CTNNA2: variants seen among roughly 807,000 people sequenced by gnomAD.
The protein encoded by CTNNA2 is catenin alpha 2, also known as catenin alpha-2.
A neutral mutation model predicts 101.0 loss-of-function variants in CTNNA2; 42 were observed. The ratio of observed to expected loss-of-function variants is 0.42; its 90% CI spans 0.32 to 0.54. The LOEUF is 0.54. CTNNA2 is among the 20% of genes least tolerant of loss of function. CTNNA2 has a pLI of 0.14. For synonymous variants in CTNNA2, 450 were observed against 456.4 expected, an observed-to-expected ratio of 0.99 and a Z score of 0.18; for missense variants, 871 against 1,223.1, an observed-to-expected ratio of 0.71 and a Z score of 4.29.
At chr2:79,624,318 T>C (rs773080028) in intron 1 of CTNNA2, among the ~76,000 whole-genome samples, 1 of 148,806 alleles carries the variant, frequency 6.7e-6, no homozygotes, top group Non-Finnish European at 1.5e-5. Flanking sequence ...AGGAAAGATA[T>C]TTGAATTTCA....
At chr2:79,692,204 G>A (rs921329485) in intron 2 of CTNNA2, among the ~76,000 whole-genome samples, 2 of 152,092 alleles carry the variant, frequency 1.3e-5, no homozygotes, top group East Asian at 1.9e-4. Context: ...CAAAAAGTGG[G>A]TGAAGGATAT....
At chr2:80,214,151 C>T (rs1208518627) in intron 7 of CTNNA2, among the ~76,000 whole-genome samples, 1 of 152,112 alleles carries the variant, frequency 6.6e-6, no homozygotes. Context: ...ACTGATGGGT[C>T]TTGACTCTTT....
chr2:80,201,536 G>A (rs1236972052), intron 7 of CTNNA2, among the ~76,000 whole-genome samples: 5 of 151,732 alleles, frequency 3.3e-5, no homozygotes, highest in Non-Finnish European at 7.4e-5. Flanking sequence ...ACCATGCCTG[G>A]CTAAATTTGT....
intron 1 of CTNNA2, chr2:79,514,703 T>G (rs1302578404): frequency 1.3e-5 from 2 of 152,168 alleles, no homozygotes; most frequent in Non-Finnish European, 2.9e-5. Context: ...TAAGTATAAA[T>G]CAAAAATGGA....
intron 7 of CTNNA2, among the ~76,000 whole-genome samples, chr2:80,043,185 T>TTCCTTCCTTC (rs1558755676): frequency 1.2e-5 from 1 of 86,842 alleles, no homozygotes; most frequent in Admixed American, 1.5e-4. Context: ...TTCCTTCCTT[T>TTCCTTCCTTC]CTTTCTTTCT....
At chr2:79,194,839 G>T (rs873153) in intron 1 of CTNNA2, among the ~76,000 whole-genome samples, 44,171 of 152,080 alleles carry the variant, frequency 0.29, 7,633 homozygotes, top group African/African-American at 0.49. Context: ...GACACCAGAG[G>T]ATTATGTTTG....
chr2:80,408,003 G>T (rs968206396), intron 8 of CTNNA2, among the ~76,000 whole-genome samples: 14 of 152,092 alleles, frequency 9.2e-5, no homozygotes, highest in African/African-American at 3.4e-4. Context: ...ACCACAAATG[G>T]CCAGAAACTT....
chr2:80,079,844 A>AAATAAAATAAAAT (rs1699015354), intron 7 of CTNNA2, among the ~76,000 whole-genome samples: 1 of 89,284 alleles, frequency 1.1e-5, no homozygotes, highest in Non-Finnish European at 2.1e-5. Flanking sequence ...AAATAAAATA[A>AAATAAAATAAAAT]AATAAAATAA....
chr2:79,573,617 AT>A (rs1675602873), intron 1 of CTNNA2: 1 of 152,246 alleles, frequency 6.6e-6, no homozygotes, highest in Non-Finnish European at 1.5e-5. Context: ...TAGAACCACG[AT>A]TTTTAAAATT....
chr2:80,124,564 T>C (rs1702015615), intron 7 of CTNNA2, among the ~76,000 whole-genome samples: 1 of 152,192 alleles, frequency 6.6e-6, no homozygotes, highest in Admixed American at 6.6e-5. Flanking sequence ...CATAGTTTAC[T>C]AAATATTTTC....
chr2:79,312,182 T>A (rs1383870906), intron 2 of CTNNA2, among the ~76,000 whole-genome samples: 5 of 152,164 alleles, frequency 3.3e-5, no homozygotes, highest in Non-Finnish European at 7.3e-5. Context: ...GTGCTGGGAT[T>A]ATAAACATGA....
At chr2:79,863,268 G>T (rs902899902) in intron 4 of CTNNA2, among the ~76,000 whole-genome samples, 2 of 152,178 alleles carry the variant, frequency 1.3e-5, no homozygotes, top group African/African-American at 2.4e-5. Context: ...ACATGGTCAG[G>T]ACTCCTGCTC....
chr2:80,211,693 A>G (rs745530350), intron 7 of CTNNA2, among the ~76,000 whole-genome samples: 21 of 152,236 alleles, frequency 1.4e-4, no homozygotes, highest in Non-Finnish European at 2.1e-4. Flanking sequence ...TTGTCTTGGC[A>G]ATGTGGGCTC....
At chr2:79,776,851 C>T (rs1257106288) in intron 3 of CTNNA2, 1 of 152,166 alleles carries the variant, frequency 6.6e-6, no homozygotes, top group East Asian at 1.9e-4. Context: ...TGCTAAAGAG[C>T]TCTGTCACAT....
intron 2 of CTNNA2, among the ~76,000 whole-genome samples, chr2:79,268,990 A>G (rs1037755688): frequency 6.6e-6 from 1 of 151,946 alleles, no homozygotes; most frequent in Non-Finnish European, 1.5e-5. Flanking sequence ...CTTGTTTCTC[A>G]TTTTCTTGTG....
intron 1 of CTNNA2, among the ~76,000 whole-genome samples, chr2:79,625,112 AT>A (rs1679224862): frequency 6.6e-6 from 1 of 152,140 alleles, no homozygotes; most frequent in Admixed American, 6.6e-5. Context: ...TTTTTCCATA[AT>A]TTTTTGAATA....
chr2:80,449,896 C>T (rs1334948701), intron 9 of CTNNA2, among the ~76,000 whole-genome samples: 2 of 152,154 alleles, frequency 1.3e-5, no homozygotes, highest in African/African-American at 4.8e-5. Context: ...TGTTGTTCTA[C>T]ACAGTAGAAT....
chr2:80,541,272 GTGAA>G (rs1691535196), intron 9 of CTNNA2, among the ~76,000 whole-genome samples: 1 of 152,144 alleles, frequency 6.6e-6, no homozygotes, highest in Admixed American at 6.5e-5. Context: ...AAAATACAAG[GTGAA>G]TGAAATTCTG....
intron 7 of CTNNA2, among the ~76,000 whole-genome samples, chr2:80,357,406 T>C (rs1474266019): frequency 6.6e-6 from 1 of 152,118 alleles, no homozygotes; most frequent in Non-Finnish European, 1.5e-5. Flanking sequence ...GGTATTTACA[T>C]TCATAGTGCC....
Sources: gnomAD v4.1 joint callset for allele counts (sites outside exome capture counted in the v4.1 genomes callset) on GRCh38, gnomAD v4.1.1 for gene constraint, MANE v1.5 for transcripts, NCBI Gene and HGNC (gene_info 2026-07-23, HGNC 2026-07-21) for gene names.